The following ZBTB26 variants were observed in gnomAD, a reference collection of about 807,000 sequenced individuals.
ZBTB26 encodes the protein zinc finger and BTB domain containing 26.
In ZBTB26, 12 loss-of-function variants were observed where a neutral mutation model predicts 31.6. The ratio of observed to expected loss-of-function variants is 0.38; its 90% CI spans 0.24 to 0.61. ZBTB26 has a LOEUF of 0.61. ZBTB26 is among the 20% of genes least tolerant of loss of function. The pLI, the probability that ZBTB26 is intolerant of heterozygous loss-of-function variation, is 0.60. For synonymous variants in ZBTB26, 155 were observed against 182.9 expected, an observed-to-expected ratio of 0.85 and a Z score of 1.23; for missense variants, 311 against 521.9, an observed-to-expected ratio of 0.60 and a Z score of 3.94.
chr9:122,917,100 C>T lies in ZBTB26; in HGVS notation c.*1509G>A, dbSNP rs1833025583. On this transcript the variant is annotated 3_prime_UTR_variant, in exon 2 of 2. Transcript: ENST00000373656. ...TAACTAAAAAATAATTAATATAAATCCCTCTGCGATATTTTGTTGGCAAAA... is the reference window on the plus strand; with the variant it reads ...TAACTAAAAAATAATTAATATAAATTCCTCTGCGATATTTTGTTGGCAAAA... 6.6e-6 allele frequency: 1 copy of T among 152,150 alleles called. No individual in the cohort carries two copies. The highest frequency in any genetic ancestry group is 1.5e-5 in the Non-Finnish European group (1 of 68,014). 9.4% of individuals were successfully genotyped at this position (152,150 alleles called of 1,614,324 possible).
intron 1 of ZBTB26, among the ~76,000 whole-genome samples, chr9:122,926,556 C>T (rs1324665067): frequency 6.6e-6 from 1 of 150,636 alleles, no homozygotes; most frequent in Non-Finnish European, 1.5e-5. Context: ...TCCTTCCTTA[C>T]ATTCAGTATC....
chr9:122,920,926 A>T (rs1262249249), intron 1 of ZBTB26, among the ~76,000 whole-genome samples: 1 of 152,200 alleles, frequency 6.6e-6, no homozygotes, highest in Non-Finnish European at 1.5e-5. Flanking sequence ...TACAGTTTTC[A>T]TACCACCACA....
chr9:122,922,535 G>A (rs1833116334), intron 1 of ZBTB26, among the ~76,000 whole-genome samples: 1 of 152,196 alleles, frequency 6.6e-6, no homozygotes, highest in Admixed American at 6.5e-5. Context: ...ACTTATTGCA[G>A]CTACATTGCT....
intron 1 of ZBTB26, among the ~76,000 whole-genome samples, 168 bp from the exon 2 acceptor site, chr9:122,920,112 A>G (rs1490158922): frequency 2.0e-5 from 3 of 152,240 alleles, no homozygotes; most frequent in Non-Finnish European, 4.4e-5. Context: ...AAAGGCTGTT[A>G]AAAATTACAC....
At chr9:122,930,006 C>G (rs780182256) in intron 1 of ZBTB26, among the ~76,000 whole-genome samples, 4 of 152,098 alleles carry the variant, frequency 2.6e-5, no homozygotes, top group Non-Finnish European at 5.9e-5. Context: ...TAAATGCAAG[C>G]ATTACCCTCC....
At chr9:122,921,938 A>C (rs904613079) in intron 1 of ZBTB26, among the ~76,000 whole-genome samples, 4 of 150,744 alleles carry the variant, frequency 2.7e-5, no homozygotes, top group Non-Finnish European at 4.4e-5. Context: ...TCACAAAAAC[A>C]AAAACCAAAA....
chr9:122,920,601 T>C (rs1310628455), intron 1 of ZBTB26, among the ~76,000 whole-genome samples: 1 of 152,224 alleles, frequency 6.6e-6, no homozygotes, highest in Non-Finnish European at 1.5e-5. Flanking sequence ...CAAGTATTTC[T>C]GCAATAAAAT....
chr9:122,919,493 A>G lies in ZBTB26; in HGVS notation c.442T>C (p.Ser148Pro), dbSNP rs1210176680. Residue 148 changes from serine (S) to proline (P), a missense_variant, in exon 2 of 2, where the codon TCA (serine) becomes CCA (proline). Ser to Pro is a moderately conservative substitution (Grantham distance 74). Coordinates refer to ENST00000373656, the MANE Select transcript of ZBTB26 (RefSeq NM_020924.4). This position sits in a 1 kb window ranked among gnomAD's most constrained non-coding sequence, Gnocchi z 6.1. ...GCEPQSASPQ[S>P]KEQQGDARGS... Reference sequence around the variant, plus strand: ...CTGGCATCTCCCTGCTGTTCTTTTGACTGGGGAGAAGCACTCTGTGGTTCA... The same window carrying G: ...CTGGCATCTCCCTGCTGTTCTTTTGGCTGGGGAGAAGCACTCTGTGGTTCA... The G allele has an allele frequency of 5.0e-6, 8 of 1,614,104 alleles. No homozygotes were observed. In the South Asian group the frequency reaches 6.6e-5, roughly 13 times the overall value.
rs1833065301 is a variant in ZBTB26, at chr9:122,919,545, T to C, written c.390A>G (p.Lys130=). The change falls in exon 2 of 2, where the codon AAA becomes AAG. Residue 130 remains lysine (K), a synonymous_variant. Coordinates refer to ENST00000373656, the MANE Select transcript of ZBTB26 (RefSeq NM_020924.4). This position sits in a 1 kb window ranked among gnomAD's most constrained non-coding sequence, Gnocchi z 6.1. ...ATCCCTCTTTACTATCCATTGGTTG[T>C]TTTGGCTTTATAAACTTCCACAGGG... The part of the protein sequence containing the change: ...TQALWKFIKP[K]QPMDSKEGCE... 1 of 1,614,206 alleles carries C rather than the reference T, an allele frequency of 6.2e-7. No individual in the cohort carries two copies. The highest frequency in any genetic ancestry group is 2.2e-5 in the East Asian group (1 of 44,886).
In ZBTB26 at chr9:122,917,080, A is replaced by G. The variant is rs1833025300; in HGVS notation, c.*1529T>C. On this transcript the variant is annotated 3_prime_UTR_variant, in exon 2 of 2. Coordinates refer to ENST00000373656, the MANE Select transcript of ZBTB26 (RefSeq NM_020924.4). ...GGAAGAATATAATATTCATCTAACT[A>G]AAAAATAATTAATATAAATCCCTCT... is the stretch of plus-strand genomic sequence containing the variant. 6.6e-6 allele frequency: 1 copy of G among 152,198 alleles called. No individual in the cohort carries two copies. Among genetic ancestry groups the G allele is most frequent in the Non-Finnish European group, 1.5e-5 (1 of 68,042 alleles). 9.4% of individuals were successfully genotyped at this position (152,198 alleles called of 1,614,324 possible).
intron 1 of ZBTB26, among the ~76,000 whole-genome samples, chr9:122,930,567 A>C (rs1160820333): frequency 6.6e-6 from 1 of 152,208 alleles, no homozygotes; most frequent in Non-Finnish European, 1.5e-5. Context: ...CTGCAGTGCA[A>C]ATCTGACCAT....
At position 122,928,036 on chromosome 9, in the gene ZBTB26, T is replaced by A. The variant is rs563273591; in HGVS notation, c.-11+3401A>T. On this transcript the variant is annotated intron_variant, in intron 1 of 1. Transcript: ENST00000373656. ...TTTTAGTAGAGATGGGGTTTCACCA[T>A]GTTGGCCAGGCTGTTCTTGAACTCC... 4.6e-5 allele frequency among the ~76,000 whole-genome samples: 7 copies of A among 152,218 alleles called. No homozygotes were observed. The East Asian group carries it at 1.4e-3, about 29-fold the overall frequency.
Position 122,918,924 on chromosome 9 carries a change from C to T in ZBTB26, c.1011G>A (p.Gln337=). The change falls in exon 2 of 2, where the codon CAG becomes CAA. Residue 337 remains glutamine, a synonymous_variant. Coordinates refer to ENST00000373656, the MANE Select transcript of ZBTB26 (RefSeq NM_020924.4). ...TAAGATGATCCTGTAAGGAACACTT[C>T]TGAGAAAAGGTTTTCCCACAGATTT... ...QCKICGKTFS[Q]KCSLQDHLNL... is the part of the protein sequence containing the mutation. 4 of 1,614,184 alleles carry T rather than the reference C, an allele frequency of 2.5e-6. No individual in the cohort carries two copies. Among genetic ancestry groups the T allele is most frequent in the Non-Finnish European group, 3.4e-6 (4 of 1,180,020 alleles).
rs183360595 is a variant in ZBTB26 at position 122,917,778 on chromosome 9, A to G, written c.*831T>C. On this transcript the variant is annotated 3_prime_UTR_variant, in exon 2 of 2. Coordinates refer to ENST00000373656, the MANE Select transcript of ZBTB26 (RefSeq NM_020924.4). ...TAGAGAGCCCACTATACTTTAGCAC[A>G]TTTTTAGCGTGCCTGGAGCAGTCCT... 5 of 152,306 alleles carry G rather than the reference A, an allele frequency of 3.3e-5. No homozygotes were observed. In the East Asian group the frequency reaches 7.7e-4, roughly 23 times the overall value. 9.4% of individuals were successfully genotyped at this position (152,306 alleles called of 1,614,324 possible).
chr9:122,924,235 C>T (rs1352539961), intron 1 of ZBTB26, among the ~76,000 whole-genome samples: 1 of 152,204 alleles, frequency 6.6e-6, no homozygotes, highest in Non-Finnish European at 1.5e-5. Flanking sequence ...CTGCTGTAGT[C>T]TAAGAATGTG....
chr9:122,924,825 T>G (rs1833153552), intron 1 of ZBTB26, among the ~76,000 whole-genome samples: 1 of 152,072 alleles, frequency 6.6e-6, no homozygotes, highest in Non-Finnish European at 1.5e-5. Flanking sequence ...AGGGTCTCGC[T>G]GTGTTGCCTA....
rs1833028320 is a variant in ZBTB26, at chr9:122,917,345, G to C, written c.*1264C>G. ...ACCCCAATTTAAAATGAAAGAGGTG[G>C]AGTAAATGACCTCTTAAGATTCTCT... is the stretch of plus-strand genomic sequence containing the variant. On this transcript the variant is annotated 3_prime_UTR_variant, in exon 2 of 2. Transcript: ENST00000373656. 6.6e-6 allele frequency: 1 copy of C among 152,194 alleles called. No individual in the cohort carries two copies. Among genetic ancestry groups the C allele is most frequent in the Non-Finnish European group, 1.5e-5 (1 of 68,036 alleles). 9.4% of individuals were successfully genotyped at this position (152,194 alleles called of 1,614,324 possible).
intron 1 of ZBTB26, among the ~76,000 whole-genome samples, chr9:122,922,839 A>G (rs970279731): frequency 8.5e-5 from 13 of 152,368 alleles, no homozygotes; most frequent in East Asian, 5.8e-4. Context: ...GAGAATGAAT[A>G]AAAGGAATGT....
rs10818762 is a variant in ZBTB26 at position 122,915,578 on chromosome 9, A to G, written c.*3031T>C. The G allele has an allele frequency of 0.067, 10,216 of 152,284 alleles. 408 individuals are homozygous for G. The highest frequency in any genetic ancestry group is 0.085 in the African/African-American group (3,519 of 41,544). 9.4% of individuals were successfully genotyped at this position (152,284 alleles called of 1,614,324 possible). On this transcript the variant is annotated 3_prime_UTR_variant, in exon 2 of 2. Transcript: ENST00000373656. Reference sequence around the variant, plus strand: ...ATGACACCAGAGCTTTAATCGTCACACTTTTATTAAGGAAACTTCCCCATA... The same window carrying G: ...ATGACACCAGAGCTTTAATCGTCACGCTTTTATTAAGGAAACTTCCCCATA...
Sources: allele counts gnomAD v4.1 joint callset (sites outside exome capture counted in the v4.1 genomes callset), GRCh38; gene constraint gnomAD v4.1.1; non-coding constraint Gnocchi (gnomAD v3.1); transcripts MANE v1.5; gene names NCBI Gene and HGNC (gene_info 2026-07-23, HGNC 2026-07-21).